FBN2: variants seen among roughly 807,000 people sequenced by gnomAD.
FBN2 encodes the protein fibrillin 2, also known as fibrillin-2.
Under a neutral mutation model 355.6 loss-of-function variants are expected in FBN2, and 105 were observed. That is an observed-to-expected ratio of 0.30 (90% CI 0.25 to 0.35). The LOEUF (loss-of-function observed/expected upper bound fraction) is 0.35. FBN2 is among the 10% of genes least tolerant of loss of function. The pLI is 1.00. For missense variants in FBN2, 3,280 were observed against 3,758.7 expected (o/e 0.87, Z 3.33); for synonymous variants, 1,350 against 1,301.2 (o/e 1.04, Z -0.81).
intron 33 of FBN2, 78 bp downstream of exon 33, chr5:128,330,495 T>C (rs1162468001): frequency 8.0e-6 from 12 of 1,503,336 alleles, no homozygotes; most frequent in East Asian, 6.8e-5. Flanking sequence ...CCTTTAATTA[T>C]AATTTTCTTC....
chr5:128,297,302 A>T (rs1468687078), intron 48 of FBN2, among the ~76,000 whole-genome samples: 2 of 152,174 alleles, frequency 1.3e-5, no homozygotes, highest in Admixed American at 6.5e-5. Flanking sequence ...GCTGAAAAAA[A>T]TGTGTATTCT....
intron 48 of FBN2, among the ~76,000 whole-genome samples, chr5:128,294,005 A>G (rs1749419112): frequency 6.7e-6 from 1 of 149,714 alleles, no homozygotes; most frequent in Admixed American, 6.7e-5. Flanking sequence ...ACCCCACCAC[A>G]GTCCCCAGAG....
chr5:128,383,935 G>A (rs954591775), intron 11 of FBN2, among the ~76,000 whole-genome samples: 2 of 151,898 alleles, frequency 1.3e-5, no homozygotes, highest in African/African-American at 2.4e-5. Flanking sequence ...GCCACTCCAC[G>A]CCTAGGTATA....
At chr5:128,316,705 T>C (rs975145731) in intron 36 of FBN2, among the ~76,000 whole-genome samples, 1 of 152,220 alleles carries the variant, frequency 6.6e-6, no homozygotes, top group Non-Finnish European at 1.5e-5. Context: ...GTATATGAAG[T>C]GTAAAGTGGC....
intron 62 of FBN2, 75 bp from the exon 63 acceptor site, chr5:128,263,731 A>C: frequency 7.6e-5 from 73 of 964,446 alleles, no homozygotes; most frequent in Non-Finnish European, 1.1e-4. Flanking sequence ...CTGGAGTCTC[A>C]AGTGCCTGTG....
chr5:128,291,192 G>A lies in FBN2; in HGVS notation c.6293-308C>T, dbSNP rs11241955. ...TGATAGTCTAAGAAAAACAATCAAG[G>A]TAACTTTCAGTAAGTTACATCACAT... On this transcript the variant is annotated intron_variant, in intron 49 of 64. Transcript: ENST00000262464. Among the ~76,000 whole-genome samples the A allele has an allele frequency of 0.23, 35,247 of 151,858 alleles. 5,052 individuals are homozygous for A. The highest frequency in any genetic ancestry group is 0.43 in the Middle Eastern group (126 of 294).
chr5:128,312,492 G>C, intron 37 of FBN2, 142 bp downstream of exon 37: 2 of 818,984 alleles, frequency 2.4e-6, no homozygotes, highest in Non-Finnish European at 4.0e-6. Flanking sequence ...GCTGGTTTCA[G>C]AGTGATCACT....
At chr5:128,495,195 G>T (rs187087172) in intron 5 of FBN2, among the ~76,000 whole-genome samples, 36 of 122,984 alleles carry the variant, frequency 2.9e-4, no homozygotes, top group Non-Finnish European at 4.8e-4. Flanking sequence ...ATTGGAACTC[G>T]CAAAAGAAAG....
intron 11 of FBN2, among the ~76,000 whole-genome samples, chr5:128,388,585 TC>T: frequency 6.6e-6 from 1 of 152,302 alleles, no homozygotes; most frequent in South Asian, 2.1e-4. Context: ...TATTTCCCCT[TC>T]ACGTATGAAG....
At chr5:128,469,164 T>C (rs1754789414) in intron 5 of FBN2, among the ~76,000 whole-genome samples, 1 of 152,158 alleles carries the variant, frequency 6.6e-6, no homozygotes, top group Non-Finnish European at 1.5e-5. Context: ...CCAATGTCTT[T>C]GACCTTTTAG....
intron 5 of FBN2, among the ~76,000 whole-genome samples, chr5:128,502,358 G>A (rs1476510867): frequency 6.6e-6 from 1 of 151,802 alleles, no homozygotes; most frequent in Non-Finnish European, 1.5e-5. Context: ...TGACTTAGGA[G>A]AAGAAAAATC....
chr5:128,381,831 T>C (rs1752242250), intron 11 of FBN2, among the ~76,000 whole-genome samples: 1 of 152,126 alleles, frequency 6.6e-6, no homozygotes, highest in Non-Finnish European at 1.5e-5. Context: ...TATAGACTCT[T>C]TGAATGATAC....
chr5:128,428,409 T>C (rs923898614), intron 7 of FBN2, among the ~76,000 whole-genome samples: 3 of 152,164 alleles, frequency 2.0e-5, no homozygotes, highest in Non-Finnish European at 2.9e-5. Flanking sequence ...CTCTTACTAA[T>C]TAATCTCCTC....
At chr5:128,432,918 G>C (rs537454305) in intron 7 of FBN2, among the ~76,000 whole-genome samples, 1 of 151,658 alleles carries the variant, frequency 6.6e-6, no homozygotes, top group East Asian at 1.9e-4. Flanking sequence ...CATTTTACAC[G>C]GCAGCAGGAG....
chr5:128,317,246 T>C (rs974588540), intron 36 of FBN2, among the ~76,000 whole-genome samples: 1 of 152,182 alleles, frequency 6.6e-6, no homozygotes, highest in Non-Finnish European at 1.5e-5. Flanking sequence ...TTTATCTCCC[T>C]GCCTCTAGAA....
At chr5:128,485,815 G>A (rs767995705) in intron 5 of FBN2, among the ~76,000 whole-genome samples, 6 of 152,148 alleles carry the variant, frequency 3.9e-5, no homozygotes, top group Non-Finnish European at 5.9e-5. Flanking sequence ...AGTTTTCAAA[G>A]TTTTTATTCA....
intron 7 of FBN2, among the ~76,000 whole-genome samples, chr5:128,437,900 T>C (rs1753816833): frequency 6.6e-6 from 1 of 152,078 alleles, no homozygotes; most frequent in African/African-American, 2.4e-5. Context: ...AAGAAATTGA[T>C]CTGTTTTTCT....
intron 15 of FBN2, chr5:128,371,030 C>T (rs1751918646): frequency 6.6e-6 from 1 of 152,124 alleles, no homozygotes; most frequent in African/African-American, 2.4e-5. Context: ...ACTAAGCACA[C>T]TGCCTAGGAC....
At chr5:128,333,252 C>T (rs972225182) in intron 31 of FBN2, among the ~76,000 whole-genome samples, 16 of 152,162 alleles carry the variant, frequency 1.1e-4, no homozygotes, top group Non-Finnish European at 1.8e-4. Flanking sequence ...AAACAACTGT[C>T]AGCCACTTTC....
Sources: allele counts gnomAD v4.1 joint callset (sites outside exome capture counted in the v4.1 genomes callset), GRCh38; gene constraint gnomAD v4.1.1; transcripts MANE v1.5; gene names NCBI Gene and HGNC (gene_info 2026-07-23, HGNC 2026-07-21).